Variants in FBXO36 observed in about 807,000 individuals in gnomAD.
FBXO36 encodes the protein F-box protein 36, also known as F-box only protein 36.
Under a neutral mutation model 17.0 loss-of-function variants are expected in FBXO36, and 18 were observed. The ratio of observed to expected loss-of-function variants is 1.06; its 90% confidence interval spans 0.73 to 1.57. The LOEUF (loss-of-function observed/expected upper bound fraction) is 1.57, where lower values mean the gene tolerates loss of function less well. Among genes scored for constraint, FBXO36 ranks in the 40% most tolerant of loss-of-function variants. FBXO36 has a pLI of 0.00. For synonymous variants in FBXO36, 83 were observed against 85.3 expected (o/e 0.97, Z 0.15); for missense variants, 229 against 221.9 (o/e 1.03, Z -0.20).
chr2:229,976,207 A>G, intron 1 of FBXO36, 34 bp from the exon 2 acceptor site: 1 of 1,518,806 alleles, frequency 6.6e-7, no homozygotes, highest in Non-Finnish European at 9.0e-7. Flanking sequence ...ATTGAAATCA[A>G]TTTTAATTCA....
intron 2 of FBXO36, among the ~76,000 whole-genome samples, chr2:229,983,678 A>G (rs1209998374): frequency 2.0e-5 from 3 of 152,236 alleles, no homozygotes; most frequent in African/African-American, 7.2e-5. Context: ...ACTACCAAGT[A>G]TACAGAACTG....
At chr2:229,957,508 C>T (rs1333335083) in intron 1 of FBXO36, among the ~76,000 whole-genome samples, 3 of 151,966 alleles carry the variant, frequency 2.0e-5, no homozygotes, top group South Asian at 2.1e-4. Context: ...ACCCGGGATG[C>T]GGAGGTTGCA....
At chr2:229,944,037 C>T (rs1328147068) in intron 1 of FBXO36, among the ~76,000 whole-genome samples, 1 of 152,148 alleles carries the variant, frequency 6.6e-6, no homozygotes, top group East Asian at 1.9e-4. Flanking sequence ...TAAGACGGGG[C>T]CAGCTTCCCC....
intron 1 of FBXO36, among the ~76,000 whole-genome samples, chr2:229,963,690 C>G (rs1217577682): frequency 6.6e-6 from 1 of 152,008 alleles, no homozygotes; most frequent in Non-Finnish European, 1.5e-5. Context: ...GTGATCTACC[C>G]GCCTCGGCCT....
intron 1 of FBXO36, among the ~76,000 whole-genome samples, chr2:229,952,155 C>G (rs551452328): frequency 6.6e-5 from 10 of 152,040 alleles, no homozygotes; most frequent in Non-Finnish European, 1.0e-4. Flanking sequence ...ACTATCATAA[C>G]CAGACTGCAG....
intron 1 of FBXO36, chr2:229,939,208 C>T (rs557063281): frequency 1.0e-6 from 1 of 984,618 alleles, no homozygotes; most frequent in Admixed American, 6.2e-5. Flanking sequence ...CATGAGCCAC[C>T]GCGCCCGGCC....
intron 2 of FBXO36, among the ~76,000 whole-genome samples, chr2:229,990,473 T>A (rs1459434300): frequency 1.3e-5 from 2 of 152,120 alleles, no homozygotes; most frequent in African/African-American, 2.4e-5. Flanking sequence ...AATATTTATA[T>A]GAAATAATTT....
chr2:229,996,734 GCTT>G lies in FBXO36; in HGVS notation c.206-13_206-11del. On this transcript the variant is annotated splice_polypyrimidine_tract_variant and intron_variant, in intron 2 of 3. Transcript: ENST00000283946. ...GTGACTGTATATGATAACCATGTTG[GCTT>G]CTTTGAATTACAGGTCAAACTGCCT... is the stretch of plus-strand genomic sequence containing the variant. 1 of 1,598,112 alleles carries G rather than the reference GCTT, an allele frequency of 6.3e-7. No homozygotes were observed. The highest frequency in any genetic ancestry group is 2.2e-5 in the East Asian group (1 of 44,632).
intron 3 of FBXO36, among the ~76,000 whole-genome samples, chr2:230,001,184 C>A (rs907554221): frequency 1.3e-5 from 2 of 152,098 alleles, no homozygotes; most frequent in South Asian, 4.1e-4. Context: ...TATTTGCACA[C>A]AGGGAAAGAA....
At chr2:229,923,847 G>GTTTTTTTTTTTTTTT (rs71045800) in intron 1 of FBXO36, among the ~76,000 whole-genome samples, 1 of 77,710 alleles carries the variant, frequency 1.3e-5, no homozygotes, top group Non-Finnish European at 2.3e-5. Flanking sequence ...TTTTGGTGTT[G>GTTTTTTTTTTTTTTT]TTTTTTTTTT....
At chr2:230,008,348 G>GCAC (rs2077397773) in intron 3 of FBXO36, among the ~76,000 whole-genome samples, 1 of 152,068 alleles carries the variant, frequency 6.6e-6, no homozygotes, top group African/African-American at 2.4e-5. Flanking sequence ...CAAAATTCAT[G>GCAC]CACCACCACC....
intron 1 of FBXO36, among the ~76,000 whole-genome samples, chr2:229,948,134 C>CAA (rs879538129): frequency 8.5e-6 from 1 of 117,374 alleles, no homozygotes; most frequent in Non-Finnish European, 1.8e-5. Context: ...CCTTTCTCTA[C>CAA]AAAAAAAAAA....
intron 2 of FBXO36, among the ~76,000 whole-genome samples, chr2:229,987,689 G>T (rs1459184269): frequency 6.6e-6 from 1 of 151,894 alleles, no homozygotes; most frequent in Non-Finnish European, 1.5e-5. Flanking sequence ...GGAGTGCAGT[G>T]GTGTGATCAT....
At chr2:230,005,625 C>T (rs1348508008) in intron 3 of FBXO36, among the ~76,000 whole-genome samples, 1 of 152,078 alleles carries the variant, frequency 6.6e-6, no homozygotes, top group Non-Finnish European at 1.5e-5. Flanking sequence ...TAAGTATGTA[C>T]CTTGGGTCAC....
At chr2:229,934,098 A>G (rs2076952394) in intron 1 of FBXO36, among the ~76,000 whole-genome samples, 1 of 151,840 alleles carries the variant, frequency 6.6e-6, no homozygotes, top group Admixed American at 6.6e-5. Context: ...AATTTCTCAG[A>G]GCCTTTCAAA....
In FBXO36 at chr2:229,929,599, G is replaced by A. The variant is rs1402209958; in HGVS notation, c.96+6990G>A. On this transcript the variant is annotated intron_variant, in intron 1 of 3. Transcript: ENST00000283946. Reference sequence around the variant, plus strand: ...AAGAAAAAGAAAGACACAGCCAGGCGCGGTGGCTCATGCCTGTAATCCCAG... The same window carrying A: ...AAGAAAAAGAAAGACACAGCCAGGCACGGTGGCTCATGCCTGTAATCCCAG... Among the ~76,000 whole-genome samples, 14 of 151,436 alleles carry A rather than the reference G, an allele frequency of 9.2e-5. No homozygotes were observed. In the South Asian group the frequency reaches 1.0e-3, roughly 11 times the overall value.
intron 1 of FBXO36, among the ~76,000 whole-genome samples, chr2:229,955,562 T>C (rs2106176768): frequency 6.6e-6 from 1 of 152,230 alleles, no homozygotes; most frequent in East Asian, 1.9e-4. Flanking sequence ...TTTTATGTAT[T>C]GTCTACCTCC....
intron 3 of FBXO36, among the ~76,000 whole-genome samples, chr2:230,009,464 A>G (rs189929467): frequency 1.3e-5 from 2 of 152,264 alleles, no homozygotes; most frequent in East Asian, 3.9e-4. Context: ...TTCTTTTTTT[A>G]TGGTGTGCAG....
intron 1 of FBXO36, among the ~76,000 whole-genome samples, chr2:229,953,360 A>G (rs1235341771): frequency 2.0e-5 from 3 of 151,676 alleles, no homozygotes; most frequent in Non-Finnish European, 4.4e-5. Flanking sequence ...GAAAAGAAAA[A>G]TAAAATAATA....
Sources: allele counts gnomAD v4.1 joint callset (sites outside exome capture counted in the v4.1 genomes callset), GRCh38; gene constraint gnomAD v4.1.1; transcripts MANE v1.5; gene names NCBI Gene and HGNC (gene_info 2026-07-23, HGNC 2026-07-21).